SPAG16: variants seen among roughly 807,000 people sequenced by gnomAD.
The protein encoded by SPAG16 is sperm associated antigen 16, also known as sperm-associated antigen 16 protein.
Under a neutral mutation model 80.4 loss-of-function variants are expected in SPAG16, and 86 were observed. The observed-to-expected ratio is 1.07, with a 90% confidence interval of 0.90 to 1.28. The LOEUF (loss-of-function observed/expected upper bound fraction) is 1.28. SPAG16 is among the 50% of genes most tolerant of loss of function. SPAG16 has a pLI of 0.00. For missense variants in SPAG16, 870 were observed against 765.3 expected, an observed-to-expected ratio of 1.14 and a Z score of -1.61; for synonymous variants, 294 against 265.9, an observed-to-expected ratio of 1.11 and a Z score of -1.03.
At chr2:213,761,644 G>A (rs377466821) in intron 10 of SPAG16, among the ~76,000 whole-genome samples, 1 of 151,978 alleles carries the variant, frequency 6.6e-6, no homozygotes, top group Non-Finnish European at 1.5e-5. Context: ...GGTGGATCAC[G>A]AGATCAGGAG....
At chr2:214,205,387 G>T (rs570766721) in intron 15 of SPAG16, among the ~76,000 whole-genome samples, 1 of 152,232 alleles carries the variant, frequency 6.6e-6, no homozygotes, top group South Asian at 2.1e-4. Context: ...TTTTACTTTT[G>T]ATGCCTTGTT....
At chr2:213,394,485 A>G (rs72939072) in intron 9 of SPAG16, among the ~76,000 whole-genome samples, 33,454 of 152,034 alleles carry the variant, frequency 0.22, 4,528 homozygotes, top group Non-Finnish European at 0.31. Context: ...GAAAACTATA[A>G]TATAGTATCA....
At chr2:213,850,672 C>T (rs1417374140) in intron 10 of SPAG16, among the ~76,000 whole-genome samples, 4 of 149,566 alleles carry the variant, frequency 2.7e-5, no homozygotes, top group Non-Finnish European at 4.5e-5. Flanking sequence ...GACTCACCTT[C>T]GAGAAGAGAA....
chr2:213,527,439 C>A (rs2075928002), intron 10 of SPAG16, among the ~76,000 whole-genome samples: 1 of 152,026 alleles, frequency 6.6e-6, no homozygotes, highest in African/African-American at 2.4e-5. Flanking sequence ...TTGTTTATTC[C>A]TTATTGTCAT....
At chr2:213,445,812 A>G (rs1332144937) in intron 9 of SPAG16, among the ~76,000 whole-genome samples, 5 of 152,236 alleles carry the variant, frequency 3.3e-5, no homozygotes, top group Non-Finnish European at 7.3e-5. Context: ...AGTGCTGGCA[A>G]GGAGGCAGAG....
intron 15 of SPAG16, among the ~76,000 whole-genome samples, chr2:214,162,187 C>A (rs2056467063): frequency 6.6e-6 from 1 of 152,114 alleles, no homozygotes; most frequent in East Asian, 1.9e-4. Context: ...TGGGCTCAGC[C>A]TAATGCCATG....
chr2:213,821,802 A>G (rs2072958417), intron 10 of SPAG16, among the ~76,000 whole-genome samples: 1 of 152,196 alleles, frequency 6.6e-6, no homozygotes, highest in Non-Finnish European at 1.5e-5. Context: ...GTGAGAATGT[A>G]AGAAGTTTGT....
intron 11 of SPAG16, among the ~76,000 whole-genome samples, chr2:213,921,374 G>T (rs1575557605): frequency 6.6e-6 from 1 of 152,170 alleles, no homozygotes; most frequent in East Asian, 1.9e-4. Flanking sequence ...TTGTGGTGGT[G>T]GTTTACTTGG....
At chr2:214,316,167 T>A (rs1695682032) in intron 15 of SPAG16, among the ~76,000 whole-genome samples, 1 of 152,014 alleles carries the variant, frequency 6.6e-6, no homozygotes, top group African/African-American at 2.4e-5. Flanking sequence ...TTAGATTTTC[T>A]TTGCAATTTA....
intron 10 of SPAG16, among the ~76,000 whole-genome samples, chr2:213,704,152 C>A (rs1404514377): frequency 6.6e-6 from 1 of 152,092 alleles, no homozygotes; most frequent in Non-Finnish European, 1.5e-5. Context: ...AGAACAATAT[C>A]TTATAACAGC....
chr2:213,836,879 G>A (rs1442633053), intron 10 of SPAG16, among the ~76,000 whole-genome samples: 2 of 152,168 alleles, frequency 1.3e-5, no homozygotes, highest in Admixed American at 1.3e-4. Context: ...CTCCCAAAGT[G>A]TTGGGATTAC....
chr2:213,892,571 A>G (rs1192333829), intron 11 of SPAG16, among the ~76,000 whole-genome samples: 1 of 152,194 alleles, frequency 6.6e-6, no homozygotes, highest in Non-Finnish European at 1.5e-5. Flanking sequence ...AACACAGAAA[A>G]GAAATTCAGA....
intron 14 of SPAG16, among the ~76,000 whole-genome samples, chr2:214,126,329 G>A (rs1446164493): frequency 1.3e-5 from 2 of 151,166 alleles, no homozygotes; most frequent in African/African-American, 4.8e-5. Flanking sequence ...AAGGAGGGTC[G>A]GAAGACAGGA....
intron 5 of SPAG16, among the ~76,000 whole-genome samples, chr2:213,322,967 G>A (rs1010928658): frequency 6.6e-6 from 1 of 152,134 alleles, no homozygotes; most frequent in African/African-American, 2.4e-5. Flanking sequence ...AGTGGTAGAG[G>A]CCTTTGCTAG....
At chr2:213,797,132 G>A (rs954437048) in intron 10 of SPAG16, among the ~76,000 whole-genome samples, 43 of 151,930 alleles carry the variant, frequency 2.8e-4, no homozygotes, top group Middle Eastern at 3.2e-3. Flanking sequence ...TACAATGTAT[G>A]TTTTAAGCTA....
At chr2:213,482,594 C>G (rs1187566483) in intron 9 of SPAG16, among the ~76,000 whole-genome samples, 1 of 151,714 alleles carries the variant, frequency 6.6e-6, no homozygotes. Flanking sequence ...TTTTTATTAA[C>G]TAATAAACTG....
At chr2:213,909,207 A>C (rs1297341833) in intron 11 of SPAG16, among the ~76,000 whole-genome samples, 2 of 152,246 alleles carry the variant, frequency 1.3e-5, no homozygotes, top group East Asian at 1.9e-4. Flanking sequence ...ACTACAAACC[A>C]CTGCTCAATG....
chr2:214,013,040 A>C lies in SPAG16; in HGVS notation c.1401-911A>C, dbSNP rs185602667. Among the ~76,000 whole-genome samples, 1,398 of 152,212 alleles carry C rather than the reference A, an allele frequency of 9.2e-3. 16 individuals carry two copies. Among genetic ancestry groups the C allele is most frequent in the Non-Finnish European group, 0.014 (975 of 68,010 alleles). ...GCTAGTCTGGGTAAAAAATTTTAAA[A>C]ACCACTGGGTTTAAATTCTCAGCCC... On this transcript the variant is annotated intron_variant, in intron 12 of 15. Transcript: ENST00000331683.
intron 10 of SPAG16, among the ~76,000 whole-genome samples, chr2:213,749,311 G>T (rs557780125): frequency 1.3e-5 from 2 of 150,822 alleles, no homozygotes; most frequent in South Asian, 4.3e-4. Flanking sequence ...GTATTTAATG[G>T]CCATTTTATA....
Sources: gnomAD v4.1 joint callset for allele counts (sites outside exome capture counted in the v4.1 genomes callset) on GRCh38, gnomAD v4.1.1 for gene constraint, MANE v1.5 for transcripts, NCBI Gene and HGNC (gene_info 2026-07-23, HGNC 2026-07-21) for gene names.